STAG1: variants seen among roughly 807,000 people sequenced by gnomAD.
STAG1 encodes the protein cohesin subunit SA-1.
Under a neutral mutation model 170.9 loss-of-function variants are expected in STAG1, and 26 were observed. The ratio of observed to expected loss-of-function variants is 0.15; its 90% CI spans 0.11 to 0.21. STAG1 has a LOEUF of 0.21. Ranked by LOEUF, STAG1 falls within the 10% of genes least tolerant of loss-of-function variation. The pLI is 1.00. For missense variants in STAG1, 964 were observed against 1,509.5 expected, an observed-to-expected ratio of 0.64 and a Z score of 5.99; for synonymous variants, 514 against 497.7, an observed-to-expected ratio of 1.03 and a Z score of -0.44.
rs1438530307 is a variant in STAG1, at chr3:136,665,949, C to T, written c.-83-34968G>A. 2.0e-5 allele frequency among the ~76,000 whole-genome samples: 3 copies of T among 150,886 alleles called. No homozygotes were observed. In the East Asian group the frequency reaches 5.8e-4, roughly 29 times the overall value. On this transcript the variant is annotated intron_variant, in intron 1 of 33. Coordinates refer to ENST00000383202, the MANE Select transcript of STAG1 (RefSeq NM_005862.3). ...AATTAGCCGGGTGAGGTGGCGGGCA[C>T]ATGTAGTCCCAGCTACTCGTGAGGC... is the stretch of plus-strand genomic sequence containing the variant.
intron 1 of STAG1, among the ~76,000 whole-genome samples, chr3:136,738,671 A>G (rs1934485629): frequency 6.6e-6 from 1 of 152,150 alleles, no homozygotes; most frequent in South Asian, 2.1e-4. Flanking sequence ...CCCCCAAAAA[A>G]AGTATACAAA....
intron 4 of STAG1, among the ~76,000 whole-genome samples, chr3:136,571,542 C>A (rs989743959): frequency 6.6e-6 from 1 of 151,852 alleles, no homozygotes; most frequent in African/African-American, 2.4e-5. Context: ...GCACACCAGT[C>A]TGAGTGACAG....
intron 1 of STAG1, among the ~76,000 whole-genome samples, chr3:136,710,566 C>T (rs1943355852): frequency 6.6e-6 from 1 of 152,128 alleles, no homozygotes; most frequent in Non-Finnish European, 1.5e-5. Flanking sequence ...TCCACTGAAA[C>T]AAGATTGCAA....
chr3:136,503,111 A>T (rs906502871), intron 7 of STAG1, among the ~76,000 whole-genome samples: 1 of 152,188 alleles, frequency 6.6e-6, no homozygotes, highest in Non-Finnish European at 1.5e-5. Flanking sequence ...AATCAAGCCT[A>T]AACCTCTCTA....
At chr3:136,661,139 T>C (rs982256432) in intron 1 of STAG1, among the ~76,000 whole-genome samples, 2 of 152,210 alleles carry the variant, frequency 1.3e-5, no homozygotes, top group Admixed American at 6.5e-5. Context: ...CCAAATATCT[T>C]AGAATAACTC....
chr3:136,650,599 C>T (rs1038875878), intron 1 of STAG1, among the ~76,000 whole-genome samples: 1 of 152,136 alleles, frequency 6.6e-6, no homozygotes, highest in African/African-American at 2.4e-5. Flanking sequence ...TGTAAAAGGC[C>T]TTCAATGTTA....
intron 1 of STAG1, among the ~76,000 whole-genome samples, chr3:136,734,508 A>G (rs1934227896): frequency 6.6e-6 from 1 of 152,226 alleles, no homozygotes; most frequent in South Asian, 2.1e-4. Flanking sequence ...TAGAAAATAA[A>G]GGGACTCCCC....
At chr3:136,361,919 A>G (rs1369137594) in intron 26 of STAG1, among the ~76,000 whole-genome samples, 2 of 149,616 alleles carry the variant, frequency 1.3e-5, no homozygotes, top group African/African-American at 2.5e-5. Flanking sequence ...GCTTTCATTA[A>G]TTATTAATTA....
At chr3:136,675,471 G>A (rs1380504901) in intron 1 of STAG1, among the ~76,000 whole-genome samples, 2 of 152,206 alleles carry the variant, frequency 1.3e-5, no homozygotes, top group Non-Finnish European at 2.9e-5. Context: ...TAAAGCAAGT[G>A]CAGTCTGGTT....
At chr3:136,551,256 A>AGAGAGAGAGAGAGG (rs1936385055) in intron 5 of STAG1, among the ~76,000 whole-genome samples, 1 of 129,932 alleles carries the variant, frequency 7.7e-6, no homozygotes, top group African/African-American at 3.0e-5. Context: ...AGAGAGAGAG[A>AGAGAGAGAGAGAGG]GAGAGGGAGA....
At chr3:136,742,015 G>A (rs1246558320) in intron 1 of STAG1, among the ~76,000 whole-genome samples, 1 of 152,140 alleles carries the variant, frequency 6.6e-6, no homozygotes, top group Non-Finnish European at 1.5e-5. Flanking sequence ...ATCATAAGTT[G>A]TACATGTCTT....
intron 6 of STAG1, among the ~76,000 whole-genome samples, chr3:136,530,408 T>C (rs1270782132): frequency 2.0e-5 from 3 of 152,180 alleles, no homozygotes; most frequent in Admixed American, 1.3e-4. Context: ...AACTGCAGAA[T>C]ACACATTATT....
intron 2 of STAG1, 147 bp downstream of exon 2, chr3:136,630,723 C>CCTA: frequency 1.5e-6 from 1 of 661,404 alleles, no homozygotes; most frequent in South Asian, 1.8e-5. Flanking sequence ...AATTACACAC[C>CCTA]CTACTACTAC....
At chr3:136,702,073 G>A (rs928125867) in intron 1 of STAG1, among the ~76,000 whole-genome samples, 4 of 75,776 alleles carry the variant, frequency 5.3e-5, no homozygotes, top group Admixed American at 3.1e-4. Context: ...CCACCATGCC[G>A]AAAGAGAGAG....
chr3:136,675,208 AG>A (rs1942095222), intron 1 of STAG1, among the ~76,000 whole-genome samples: 1 of 152,222 alleles, frequency 6.6e-6, no homozygotes, highest in Admixed American at 6.5e-5. Flanking sequence ...GTCAACTTCC[AG>A]AAAAGAGTGA....
At chr3:136,601,751 C>T (rs2107805126) in intron 4 of STAG1, among the ~76,000 whole-genome samples, 1 of 151,980 alleles carries the variant, frequency 6.6e-6, no homozygotes, top group African/African-American at 2.4e-5. Context: ...GCAGGAGAAT[C>T]GCTTGAACCT....
At chr3:136,714,941 ATAT>A (rs1943482337) in intron 1 of STAG1, among the ~76,000 whole-genome samples, 1 of 25,756 alleles carries the variant, frequency 3.9e-5, no homozygotes, top group African/African-American at 1.6e-4. Flanking sequence ...TATATTAAAT[ATAT>A]ATATATATAT....
intron 5 of STAG1, among the ~76,000 whole-genome samples, chr3:136,565,011 A>C (rs6808390): frequency 0.033 from 1,487 of 45,332 alleles, 61 homozygotes; most frequent in Non-Finnish European, 0.047. Flanking sequence ...GGAAGGAAGG[A>C]AGGCAGGCAG....
chr3:136,523,942 C>T (rs962184553), intron 6 of STAG1, among the ~76,000 whole-genome samples: 1 of 149,444 alleles, frequency 6.7e-6, no homozygotes, highest in African/African-American at 2.4e-5. Context: ...CTGCTCTGTT[C>T]CATAGGTCTA....
Sources: allele counts gnomAD v4.1 joint callset (sites outside exome capture counted in the v4.1 genomes callset), GRCh38; gene constraint gnomAD v4.1.1; transcripts MANE v1.5; gene names NCBI Gene and HGNC (gene_info 2026-07-23, HGNC 2026-07-21).